PGBD2: variants seen among roughly 807,000 people sequenced by gnomAD.
The protein encoded by PGBD2 is piggyBac transposable element derived 2.
In PGBD2, 6 loss-of-function variants were observed where a neutral mutation model predicts 8.1. The ratio of observed to expected loss-of-function variants is 0.74; its 90% CI spans 0.40 to 1.46. The LOEUF is 1.46. PGBD2 is among the 40% of genes most tolerant of loss of function. PGBD2 has a pLI of 0.02. For synonymous variants in PGBD2, 318 were observed against 272.2 expected, an observed-to-expected ratio of 1.17 and a Z score of -1.66; for missense variants, 802 against 739.0, an observed-to-expected ratio of 1.09 and a Z score of -0.99.
the PGBD2 span, among the ~76,000 whole-genome samples, chr1:248,899,448 C>A: frequency 6.6e-6 from 1 of 152,078 alleles, no homozygotes; most frequent in Non-Finnish European, 1.5e-5. Flanking sequence ...GAAACTCACT[C>A]AAAACCACAC....
At chr1:248,881,213 A>T in the PGBD2 span, among the ~76,000 whole-genome samples, 1 of 152,114 alleles carries the variant, frequency 6.6e-6, no homozygotes, top group Non-Finnish European at 1.5e-5. Flanking sequence ...GGTGGTGTGG[A>T]TCTCTAGAGC....
intron 2 of PGBD2, among the ~76,000 whole-genome samples, chr1:248,916,176 G>T (rs1469625883): frequency 6.6e-6 from 1 of 152,180 alleles, no homozygotes; most frequent in Non-Finnish European, 1.5e-5. Flanking sequence ...CACTTTGGGA[G>T]GCTGAGGCAG....
chr1:248,914,000 A>G (rs1337020454), intron 2 of PGBD2, 121 bp downstream of exon 2: 4 of 872,892 alleles, frequency 4.6e-6, no homozygotes, highest in African/African-American at 3.3e-5. Flanking sequence ...TCCAGGAAGT[A>G]TAAAGGAAGA....
chr1:248,918,992 A>G lies in PGBD2; in HGVS notation c.*629A>G, dbSNP rs1422640081. On this transcript the variant is annotated 3_prime_UTR_variant, in exon 3 of 3. Transcript: ENST00000329291. ...TAGTAGGAGTGTATTTTTATGGGTT[A>G]CATGAGATATTCTGATACAAACATG... 2 of 167,214 alleles carry G rather than the reference A, an allele frequency of 1.2e-5. No individual in the cohort carries two copies. The highest frequency in any genetic ancestry group is 6.5e-5 in the Admixed American group (1 of 15,302). 10.4% of individuals were successfully genotyped at this position (167,214 alleles called of 1,614,324 possible). A position where few individuals can be genotyped will look rare whatever the true frequency, so the allele number is the denominator to read the frequency against.
At chr1:248,882,602 G>T in the PGBD2 span, among the ~76,000 whole-genome samples, 1 of 152,100 alleles carries the variant, frequency 6.6e-6, no homozygotes, top group Non-Finnish European at 1.5e-5. Flanking sequence ...CAAGATGAGG[G>T]CGTTTATAGC....
chr1:248,927,659 C>T, the PGBD2 span, among the ~76,000 whole-genome samples: 1 of 152,142 alleles, frequency 6.6e-6, no homozygotes, highest in Non-Finnish European at 1.5e-5. Flanking sequence ...ATGGCCCATG[C>T]ATGGTAGTTT....
the PGBD2 span, among the ~76,000 whole-genome samples, chr1:248,891,834 A>G: frequency 2.6e-5 from 4 of 152,084 alleles, no homozygotes; most frequent in African/African-American, 9.7e-5. Context: ...TTTAAAAAAG[A>G]AAAAAAAGTG....
the PGBD2 span, among the ~76,000 whole-genome samples, chr1:248,897,928 A>T: frequency 6.6e-6 from 1 of 152,140 alleles, no homozygotes; most frequent in Non-Finnish European, 1.5e-5. Flanking sequence ...TTGGACCGGG[A>T]GGGATTCCCC....
downstream of PGBD2, among the ~76,000 whole-genome samples, chr1:248,923,824 C>T (rs1299619142): frequency 6.6e-6 from 1 of 152,182 alleles, no homozygotes. Flanking sequence ...GCAGATCCAG[C>T]CCCACTCAGT....
the PGBD2 span, among the ~76,000 whole-genome samples, chr1:248,927,055 A>G: frequency 7.9e-5 from 12 of 152,136 alleles, no homozygotes; most frequent in African/African-American, 2.4e-4. Flanking sequence ...TTGGTGATAT[A>G]TGGCACAGAG....
upstream of PGBD2, among the ~76,000 whole-genome samples, chr1:248,905,840 C>T (rs1572268642): frequency 6.6e-6 from 1 of 152,112 alleles, no homozygotes; most frequent in East Asian, 1.9e-4. Context: ...TTGGTAAGGC[C>T]GATTATTGGG....
chr1:248,911,842 C>T (rs1661902894), intron 1 of PGBD2, among the ~76,000 whole-genome samples: 1 of 151,826 alleles, frequency 6.6e-6, no homozygotes, highest in Non-Finnish European at 1.5e-5. Context: ...TTCCTCTGTC[C>T]ACTAACTGCC....
rs2103119441 is a variant in PGBD2 at position 248,918,827 on chromosome 1, G to C, written c.*464G>C. The C allele has an allele frequency of 6.0e-6, 1 of 167,042 alleles. No individual in the cohort carries two copies. The highest frequency in any genetic ancestry group is 2.1e-4 in the South Asian group (1 of 4,824). 10.3% of individuals were successfully genotyped at this position (167,042 alleles called of 1,614,324 possible). Reference sequence around the variant, plus strand: ...ATCCAAGTTTATCAAACTTTTGAGGGATAATCTGCCTTGTATTTAGTCAGA... The same window carrying C: ...ATCCAAGTTTATCAAACTTTTGAGGCATAATCTGCCTTGTATTTAGTCAGA... On this transcript the variant is annotated 3_prime_UTR_variant, in exon 3 of 3. Transcript: ENST00000329291.
chr1:248,896,978 T>C, the PGBD2 span, among the ~76,000 whole-genome samples: 1 of 152,160 alleles, frequency 6.6e-6, no homozygotes, highest in African/African-American at 2.4e-5. Context: ...CTTCAAAGAT[T>C]TTCCTCCCCA....
the PGBD2 span, among the ~76,000 whole-genome samples, chr1:248,877,339 T>C: frequency 1.3e-5 from 2 of 152,224 alleles, no homozygotes; most frequent in Non-Finnish European, 2.9e-5. Context: ...AAATGTGGTT[T>C]GTATATATTG....
intron 1 of PGBD2, among the ~76,000 whole-genome samples, chr1:248,907,350 A>C (rs1008095725): frequency 4.6e-5 from 7 of 152,238 alleles, no homozygotes; most frequent in Admixed American, 3.3e-4. Context: ...CTATCTCAGA[A>C]TTGAACAAAT....
Position 248,917,595 on chromosome 1 carries a change from G to A in PGBD2, c.1011G>A (p.Ala337=), listed in dbSNP as rs149968628. The A allele has an allele frequency of 3.9e-5, 63 of 1,614,036 alleles. No individual in the cohort carries two copies. The highest frequency in any genetic ancestry group is 4.9e-5 in the Non-Finnish European group (58 of 1,180,038). The change falls in exon 3 of 3, where the codon GCG becomes GCA. Residue 337 remains alanine (A), a synonymous_variant. Coordinates refer to ENST00000329291, the MANE Select transcript of PGBD2 (RefSeq NM_170725.3). The part of the protein sequence containing the change: ...GGSMVIKFVD[A]LQERGFLPYH... Reference sequence around the variant, plus strand: ...GTATGGTAATAAAATTTGTGGATGCGCTTCAGGAGCGTGGTTTTCTGCCAT... The same window carrying A: ...GTATGGTAATAAAATTTGTGGATGCACTTCAGGAGCGTGGTTTTCTGCCAT...
the PGBD2 span, among the ~76,000 whole-genome samples, chr1:248,876,816 T>G: frequency 6.6e-6 from 1 of 152,244 alleles, no homozygotes; most frequent in African/African-American, 2.4e-5. Context: ...CTGGGCACAT[T>G]GGAAAAACAA....
At chr1:248,888,190 A>G in the PGBD2 span, among the ~76,000 whole-genome samples, 1 of 152,190 alleles carries the variant, frequency 6.6e-6, no homozygotes, top group African/African-American at 2.4e-5. Context: ...TTCTATATCC[A>G]TGCTATTGTG....
Sources: allele counts gnomAD v4.1 joint callset (sites outside exome capture counted in the v4.1 genomes callset), GRCh38; gene constraint gnomAD v4.1.1; transcripts MANE v1.5; gene names NCBI Gene and HGNC (gene_info 2026-07-23, HGNC 2026-07-21).